Variants in SEC11A observed in about 807,000 individuals in gnomAD.
SEC11A encodes the protein SEC11 homolog A, signal peptidase complex subunit, also known as signal peptidase complex catalytic subunit SEC11A.
SEC11A carries 14 observed loss-of-function variants against 25.6 expected under a neutral mutation model. That is an observed-to-expected ratio of 0.55 (90% CI 0.36 to 0.85). SEC11A has a LOEUF of 0.85. Ranked by LOEUF, SEC11A falls within the 40% of genes least tolerant of loss-of-function variation. The probability of loss-of-function intolerance (pLI) is 0.01; values close to 1 mark genes in which losing one functional copy is unlikely to be tolerated. For missense variants in SEC11A, 153 were observed against 222.9 expected, an observed-to-expected ratio of 0.69 and a Z score of 2.00; for synonymous variants, 83 against 76.4, an observed-to-expected ratio of 1.09 and a Z score of -0.45.
intron 2 of SEC11A, 89 bp downstream of exon 2, chr15:84,691,446 A>T: frequency 2.8e-6 from 2 of 718,046 alleles, no homozygotes; most frequent in Non-Finnish European, 2.4e-6. Context: ...AGTAGTTTCT[A>T]AGAGAATGAT....
intron 1 of SEC11A, among the ~76,000 whole-genome samples, chr15:84,715,023 C>T (rs1019687736): frequency 1.3e-5 from 2 of 152,082 alleles, no homozygotes; most frequent in South Asian, 2.1e-4. Flanking sequence ...AACGTTTGCG[C>T]AATTTTTATA....
At chr15:84,696,257 C>T (rs1159171758) in intron 1 of SEC11A, among the ~76,000 whole-genome samples, 1 of 152,084 alleles carries the variant, frequency 6.6e-6, no homozygotes, top group African/African-American at 2.4e-5. Context: ...ACTATTAGAA[C>T]TCTGGCCTCC....
intron 4 of SEC11A, among the ~76,000 whole-genome samples, chr15:84,678,099 A>G (rs1029954340): frequency 4.0e-5 from 6 of 151,892 alleles, no homozygotes; most frequent in Non-Finnish European, 8.8e-5. Context: ...TGGGTGGCTG[A>G]GACATGAGAA....
intron 1 of SEC11A, among the ~76,000 whole-genome samples, chr15:84,702,537 T>G (rs925542167): frequency 4.0e-5 from 6 of 151,748 alleles, no homozygotes; most frequent in Non-Finnish European, 7.4e-5. Context: ...ACTCCTGGGC[T>G]CAACAATCGT....
chr15:84,711,769 G>A (rs1202207059), intron 1 of SEC11A, among the ~76,000 whole-genome samples: 3 of 111,654 alleles, frequency 2.7e-5, no homozygotes, highest in African/African-American at 1.1e-4. Flanking sequence ...AGAATAGAGC[G>A]AGACTCTATC....
chr15:84,711,939 T>A (rs1054189787), intron 1 of SEC11A, among the ~76,000 whole-genome samples: 1 of 152,060 alleles, frequency 6.6e-6, no homozygotes, highest in Non-Finnish European at 1.5e-5. Flanking sequence ...CTGTTAAAAA[T>A]CAATTAATTT....
chr15:84,670,676 G>T, intron 5 of SEC11A, 49 bp downstream of exon 5: 1 of 952,886 alleles, frequency 1.0e-6, no homozygotes, highest in Non-Finnish European at 1.6e-6. Flanking sequence ...CACTGTGCCT[G>T]GCCCAAAAGA....
intron 1 of SEC11A, among the ~76,000 whole-genome samples, chr15:84,706,463 TAA>T (rs1247132254): frequency 6.6e-6 from 1 of 152,074 alleles, no homozygotes; most frequent in Non-Finnish European, 1.5e-5. Flanking sequence ...TACTCCCATC[TAA>T]AAGTCAGTGA....
Position 84,680,137 on chromosome 15 carries a change from TA to T in SEC11A, c.431+575del, listed in dbSNP as rs753909923. Among the ~76,000 whole-genome samples, 433 of 141,054 alleles carry T rather than the reference TA, an allele frequency of 3.1e-3. 1 individual carries two copies. Among genetic ancestry groups the T allele is most frequent in the Non-Finnish European group, 2.5e-3 (162 of 64,318 alleles). The allele number at this position is 141,054 out of a possible 152,430, so 92.5% of individuals were successfully genotyped here. On this transcript the variant is annotated intron_variant, in intron 4 of 5. Coordinates refer to ENST00000268220, the MANE Select transcript of SEC11A (RefSeq NM_014300.4). ...AATATAAATATAACGCCATCTCTACTAAAAAAAAAAAAAATTAGCCGGGCAT... is the reference window on the plus strand; with the variant it reads ...AATATAAATATAACGCCATCTCTACTAAAAAAAAAAAAATTAGCCGGGCAT...
chr15:84,702,689 C>T (rs959923284), intron 1 of SEC11A, among the ~76,000 whole-genome samples: 4 of 152,080 alleles, frequency 2.6e-5, no homozygotes, highest in Non-Finnish European at 5.9e-5. Flanking sequence ...ATACCAACTA[C>T]CAAAATTCAC....
intron 1 of SEC11A, among the ~76,000 whole-genome samples, chr15:84,694,149 G>T (rs982395302): frequency 1.3e-5 from 2 of 152,198 alleles, no homozygotes; most frequent in African/African-American, 4.8e-5. Context: ...GAGGCCAGAA[G>T]TAGGAGACCA....
chr15:84,679,858 G>GT (rs1465649960), intron 4 of SEC11A: 13 of 1,063,570 alleles, frequency 1.2e-5, no homozygotes, highest in Non-Finnish European at 1.6e-5. Context: ...CCTAATAAAC[G>GT]TGAGTTATTG....
chr15:84,677,389 A>C (rs1463604078), intron 4 of SEC11A, among the ~76,000 whole-genome samples: 5 of 151,804 alleles, frequency 3.3e-5, no homozygotes, highest in Non-Finnish European at 2.9e-5. Context: ...ACATTTTTTT[A>C]AGTAACAGCT....
Position 84,695,088 on chromosome 15 carries a change from T to TAAAAAAA in SEC11A, c.52-3451_52-3445dup, listed in dbSNP as rs55789527. ...CTGGGCGACACAGCAAGACTCCATC[T>TAAAAAAA]AAAAAAAAAAAAAAAAAAAAAAAAA... On this transcript the variant is annotated intron_variant, in intron 1 of 5. Coordinates refer to ENST00000268220, the MANE Select transcript of SEC11A (RefSeq NM_014300.4). Among the ~76,000 whole-genome samples, 6 of 26,908 alleles carry TAAAAAAA rather than the reference T, an allele frequency of 2.2e-4. 1 individual carries two copies. Among genetic ancestry groups the TAAAAAAA allele is most frequent in the African/African-American group, 1.2e-3 (5 of 4,170 alleles). 17.7% of individuals were successfully genotyped at this position (26,908 alleles called of 152,430 possible).
chr15:84,710,278 T>C (rs936798019), intron 1 of SEC11A, among the ~76,000 whole-genome samples: 6 of 152,194 alleles, frequency 3.9e-5, no homozygotes, highest in African/African-American at 1.4e-4. Flanking sequence ...ATTTTTTTAA[T>C]TTATAAAGTT....
In SEC11A at chr15:84,670,772, A is replaced by G. The variant is rs1896962566; in HGVS notation, c.442T>C (p.Tyr148His). 2.7e-6 allele frequency: 4 copies of G among 1,456,314 alleles called. No homozygotes were observed. Among genetic ancestry groups the G allele is most frequent in the Non-Finnish European group, 3.8e-6 (4 of 1,063,474 alleles). 90.2% of individuals were successfully genotyped at this position (1,456,314 alleles called of 1,614,324 possible). The change falls in exon 5 of 6, where the codon TAT (tyrosine) becomes CAT (histidine). Residue 148 changes from tyrosine (Y) to histidine (H), a missense_variant. Tyr to His is a moderately conservative substitution (Grantham distance 83, BLOSUM62 2). Coordinates refer to ENST00000268220, the MANE Select transcript of SEC11A (RefSeq NM_014300.4). ...ATGAGGATCGTCACAATTCCAATAT[A>G]AGGAACAAATCTAAAACAAACAAAA... ...VVGRARGFVPYIGIVTILMND... is the reference protein window; with the variant it reads ...VVGRARGFVPHIGIVTILMND...
At chr15:84,670,955 G>T in intron 4 of SEC11A, 173 bp from the exon 5 acceptor site, 2 of 451,002 alleles carry the variant, frequency 4.4e-6, no homozygotes, top group Non-Finnish European at 8.1e-6. Context: ...GGAAAGTTAG[G>T]AATATCACCA....
In SEC11A at chr15:84,695,882, T is replaced by G. The variant is rs534339259; in HGVS notation, c.52-4238A>C. On this transcript the variant is annotated intron_variant, in intron 1 of 5. Coordinates refer to ENST00000268220, the MANE Select transcript of SEC11A (RefSeq NM_014300.4). The stretch of plus-strand genomic sequence containing the variant: ...AGGAGTCAAGGTGGAAGAAAAATAT[T>G]TTCTGATATACATACTTCATGTTTT... Among the ~76,000 whole-genome samples, 12 of 152,256 alleles carry G rather than the reference T, an allele frequency of 7.9e-5. No individual in the cohort carries two copies. The East Asian group carries it at 2.3e-3, about 29-fold the overall frequency.
chr15:84,670,353 C>T, intron 5 of SEC11A: 1 of 296,540 alleles, frequency 3.4e-6, no homozygotes, highest in Non-Finnish European at 6.3e-6. Flanking sequence ...TCTCGTGCCT[C>T]AGCCTCCCCA....
Sources: allele counts gnomAD v4.1 joint callset (sites outside exome capture counted in the v4.1 genomes callset), GRCh38; gene constraint gnomAD v4.1.1; transcripts MANE v1.5; gene names NCBI Gene and HGNC (gene_info 2026-07-23, HGNC 2026-07-21).